OR51B5: variants seen among roughly 807,000 people sequenced by gnomAD.
OR51B5 encodes the protein olfactory receptor family 51 subfamily B member 5.
For missense variants in OR51B5, 456 were observed against 374.6 expected (o/e 1.22, Z -1.79); for synonymous variants, 186 against 144.8 (o/e 1.28, Z -2.04).
chr11:5,448,203 G>T (rs1164439854), intron 1 of OR51B5, among the ~76,000 whole-genome samples: 1 of 152,118 alleles, frequency 6.6e-6, no homozygotes, highest in Non-Finnish European at 1.5e-5. Flanking sequence ...AAGAGCTGGT[G>T]TGTTTCTTAT....
At chr11:5,378,289 A>C (rs1202362090) in intron 1 of OR51B5, among the ~76,000 whole-genome samples, 1 of 152,064 alleles carries the variant, frequency 6.6e-6, no homozygotes, top group Non-Finnish European at 1.5e-5. Flanking sequence ...TCCCTTCCTT[A>C]CACCTTATAC....
rs148397700 is a variant in OR51B5 at position 5,451,720 on chromosome 11, G to C, written n.84+53849C>G. 3.1e-3 allele frequency among the ~76,000 whole-genome samples: 468 copies of C among 152,254 alleles called. 10 individuals carry two copies. Among genetic ancestry groups the C allele is most frequent in the East Asian group, 0.012 (62 of 5,180 alleles). The stretch of plus-strand genomic sequence containing the variant: ...TCCCCTTTCTCCTTCATTCCCATCA[G>C]AAAGAACTCTGAGAGCATGGTCCGG... On this transcript the variant is annotated intron_variant and non_coding_transcript_variant, in intron 1 of 4. Coordinates refer to the OR51B5 transcript ENST00000415970.
chr11:5,461,475 G>A (rs1003170655), intron 1 of OR51B5, among the ~76,000 whole-genome samples: 8 of 152,170 alleles, frequency 5.3e-5, no homozygotes. Context: ...GGCTCATTCA[G>A]ATCAGACTTG....
At position 5,435,744 on chromosome 11, in the gene OR51B5, CA is replaced by C. The variant is rs562263434; in HGVS notation, n.84+69824del. On this transcript the variant is annotated intron_variant and non_coding_transcript_variant, in intron 1 of 4. Coordinates refer to the OR51B5 transcript ENST00000415970. ...AAGTCCTCCTGTCAGAGTGACCAAT[CA>C]ATAGTCCAGTGTAATATGAATCAGC... Among the ~76,000 whole-genome samples the C allele has an allele frequency of 4.4e-3, 669 of 152,238 alleles. 5 individuals are homozygous for C. Among genetic ancestry groups the C allele is most frequent in the African/African-American group, 0.016 (646 of 41,564 alleles).
intron 1 of OR51B5, among the ~76,000 whole-genome samples, chr11:5,360,469 A>G (rs971572391): frequency 1.3e-5 from 2 of 151,036 alleles, no homozygotes; most frequent in African/African-American, 4.8e-5. Flanking sequence ...TAGAATGGCG[A>G]TCATTAAAAA....
chr11:5,388,858 G>A (rs1202907599), intron 1 of OR51B5, among the ~76,000 whole-genome samples: 1 of 151,986 alleles, frequency 6.6e-6, no homozygotes, highest in African/African-American at 2.4e-5. Context: ...TCAGTAAACA[G>A]AAACCCTAGG....
intron 1 of OR51B5, among the ~76,000 whole-genome samples, chr11:5,387,503 G>A (rs1295653122): frequency 6.6e-6 from 1 of 152,144 alleles, no homozygotes; most frequent in Non-Finnish European, 1.5e-5. Flanking sequence ...TATCCATGCA[G>A]CACCTCTGCT....
At chr11:5,369,941 T>C (rs147162782) in intron 1 of OR51B5, among the ~76,000 whole-genome samples, 26 of 152,272 alleles carry the variant, frequency 1.7e-4, no homozygotes, top group African/African-American at 6.3e-4. Flanking sequence ...TTTCTCAGGA[T>C]TTTTACTCAA....
At chr11:5,400,479 T>C (rs936590081) in intron 1 of OR51B5, among the ~76,000 whole-genome samples, 1 of 152,128 alleles carries the variant, frequency 6.6e-6, no homozygotes, top group Non-Finnish European at 1.5e-5. Flanking sequence ...CTACATTGCA[T>C]GCAACTTAGC....
chr11:5,352,159 T>G, intron 1 of OR51B5: 1 of 1,614,200 alleles, frequency 6.2e-7, no homozygotes, highest in South Asian at 1.1e-5. Context: ...CTCCTACATT[T>G]TGATTCTCAA....
intron 1 of OR51B5, chr11:5,390,240 C>A: frequency 6.2e-7 from 1 of 1,614,022 alleles, no homozygotes; most frequent in Non-Finnish European, 8.5e-7. Context: ...AAGCATGCCC[C>A]ACCTGCTATT....
intron 1 of OR51B5, among the ~76,000 whole-genome samples, chr11:5,384,206 GCT>G (rs1452221739): frequency 2.0e-5 from 3 of 152,086 alleles, no homozygotes; most frequent in East Asian, 3.9e-4. Flanking sequence ...ATGAGGTCTA[GCT>G]CTGTTACCCA....
At chr11:5,461,054 G>T (rs913747909) in intron 1 of OR51B5, among the ~76,000 whole-genome samples, 1 of 152,176 alleles carries the variant, frequency 6.6e-6, no homozygotes, top group Non-Finnish European at 1.5e-5. Context: ...ATTGCCCTAC[G>T]GCATGGTGGC....
chr11:5,413,168 G>A (rs988726781), intron 1 of OR51B5, among the ~76,000 whole-genome samples: 7 of 152,184 alleles, frequency 4.6e-5, no homozygotes, highest in African/African-American at 1.7e-4. Flanking sequence ...TGATACCCAG[G>A]CAAACAGGGC....
At chr11:5,356,474 T>C (rs942621905) in intron 1 of OR51B5, among the ~76,000 whole-genome samples, 3 of 147,896 alleles carry the variant, frequency 2.0e-5, no homozygotes, top group African/African-American at 7.6e-5. Context: ...TATGGGACTA[T>C]GTGAAAAGAC....
At chr11:5,360,335 T>C (rs1420472558) in intron 1 of OR51B5, among the ~76,000 whole-genome samples, 1 of 151,984 alleles carries the variant, frequency 6.6e-6, no homozygotes, top group Non-Finnish European at 1.5e-5. Context: ...GCAAAGGATA[T>C]GAACAGACAC....
At chr11:5,405,141 C>T (rs912715644) in intron 1 of OR51B5, among the ~76,000 whole-genome samples, 4 of 152,000 alleles carry the variant, frequency 2.6e-5, no homozygotes, top group South Asian at 2.1e-4. Flanking sequence ...CTTACATTTT[C>T]AGGGAAAGAA....
exon 1 of OR51B5, chr11:5,343,062 C>A: frequency 1.2e-6 from 2 of 1,613,300 alleles, no homozygotes; most frequent in Non-Finnish European, 1.7e-6. Context: ...ATTGGGGGAA[C>A]AACGGATACA....
chr11:5,348,049 C>CA (rs376393219), upstream of OR51B5, among the ~76,000 whole-genome samples: 314 of 143,754 alleles, frequency 2.2e-3, 1 homozygote, highest in African/African-American at 3.8e-3. Flanking sequence ...GGAACCAAGG[C>CA]AAAAAAAAAA....
Sources: allele counts gnomAD v4.1 joint callset (sites outside exome capture counted in the v4.1 genomes callset), GRCh38; gene constraint gnomAD v4.1.1; transcripts MANE v1.5; gene names NCBI Gene and HGNC (gene_info 2026-07-23, HGNC 2026-07-21).